ANKS1A: variants seen among roughly 807,000 people sequenced by gnomAD.
The protein encoded by ANKS1A is ankyrin repeat and sterile alpha motif domain containing 1A.
ANKS1A carries 55 observed loss-of-function variants against 120.3 expected under a neutral mutation model. The observed-to-expected ratio is 0.46, with a 90% CI of 0.37 to 0.57. The LOEUF (loss-of-function observed/expected upper bound fraction) is 0.57, where lower values mean the gene tolerates loss of function less well. Among genes scored for constraint, ANKS1A ranks in the 20% least tolerant of loss-of-function variants. The probability of loss-of-function intolerance (pLI) is 0.00; values close to 1 mark genes in which losing one functional copy is unlikely to be tolerated. For synonymous variants in ANKS1A, 590 were observed against 604.7 expected, an observed-to-expected ratio of 0.98 and a Z score of 0.36; for missense variants, 1,123 against 1,480.3, an observed-to-expected ratio of 0.76 and a Z score of 3.96.
Position 35,058,687 on chromosome 6 carries a change from T to C in ANKS1A, c.2078-1460T>C, listed in dbSNP as rs532539316. On this transcript the variant is annotated intron_variant, in intron 12 of 23. Transcript: ENST00000360359. The surrounding 1 kb of genome is among the most constrained non-coding windows in gnomAD (Gnocchi z 5.1). ...CAGGAGTTCACTGGAGGTGATGTGT[T>C]TATAGTTGGTTCTTCCTTTTCCTTC... 6.6e-6 allele frequency: 1 copy of C among 152,424 alleles called. No homozygotes were observed. Among genetic ancestry groups the C allele is most frequent in the South Asian group, 2.1e-4 (1 of 4,832 alleles). 9.4% of individuals were successfully genotyped at this position (152,424 alleles called of 1,614,324 possible). A position where few individuals can be genotyped will look rare whatever the true frequency, so the allele number is the denominator to read the frequency against.
At chr6:35,048,261 T>C (rs558889435) in intron 11 of ANKS1A, among the ~76,000 whole-genome samples, 6 of 152,174 alleles carry the variant, frequency 3.9e-5, no homozygotes, top group Admixed American at 1.3e-4. Context: ...AAGGTGACGA[T>C]GTAAAGGGGA....
chr6:35,045,694 A>G (rs894143284), intron 11 of ANKS1A, among the ~76,000 whole-genome samples: 3 of 152,152 alleles, frequency 2.0e-5, no homozygotes, highest in Non-Finnish European at 4.4e-5. Context: ...CACGGACGTT[A>G]TTTTGATTTT....
chr6:34,920,440 C>G (rs993779027), intron 1 of ANKS1A, among the ~76,000 whole-genome samples: 1 of 152,216 alleles, frequency 6.6e-6, no homozygotes, highest in Admixed American at 6.5e-5. Context: ...TGGTCTCAAA[C>G]TCCCGGCTTC....
In ANKS1A at chr6:34,970,043, G is replaced by T. The variant is rs1311766028; in HGVS notation, c.312G>T (p.Ala104=). ...TCGAGGTTCTTCTGAGGAACGATGC[G>T]CTGACCAACGTGGCTGACTCAAAAG... ...DVVEVLLRND[A]LTNVADSKGC... Residue 104 remains alanine (A), a synonymous_variant, in exon 3 of 24, where the codon GCG becomes GCT. Transcript: ENST00000360359. The T allele has an allele frequency of 6.2e-7, 1 of 1,614,092 alleles. No individual in the cohort carries two copies. Among genetic ancestry groups the T allele is most frequent in the Non-Finnish European group, 8.5e-7 (1 of 1,180,004 alleles).
chr6:34,891,950 G>A (rs1766846295), intron 1 of ANKS1A, among the ~76,000 whole-genome samples: 1 of 152,112 alleles, frequency 6.6e-6, no homozygotes, highest in Admixed American at 6.5e-5. Context: ...TTCTTAGTGC[G>A]CTCACTCGGA....
chr6:34,958,294 T>C (rs1770466063), intron 1 of ANKS1A, among the ~76,000 whole-genome samples: 1 of 152,200 alleles, frequency 6.6e-6, no homozygotes, highest in South Asian at 2.1e-4. Flanking sequence ...CAGCCGCCAG[T>C]GCACCCCAAC....
At chr6:34,964,579 G>C (rs1770804044) in intron 1 of ANKS1A, among the ~76,000 whole-genome samples, 1 of 152,172 alleles carries the variant, frequency 6.6e-6, no homozygotes, top group Admixed American at 6.5e-5. Context: ...TGTTATTACT[G>C]TTGTCGTTGA....
Position 35,078,745 on chromosome 6 carries a change from G to T in ANKS1A, c.2283+89G>T, listed in dbSNP as rs1777501812. Reference sequence around the variant, plus strand: ...CTGCACCAAGAACAGGGGAGGAGCAGGGCTCCAGCACACGCACATCATAGC... The same window carrying T: ...CTGCACCAAGAACAGGGGAGGAGCATGGCTCCAGCACACGCACATCATAGC... On this transcript the variant is annotated intron_variant, in intron 14 of 23. Coordinates refer to ENST00000360359, the MANE Select transcript of ANKS1A (RefSeq NM_015245.3). 3.7e-5 allele frequency: 48 copies of T among 1,281,752 alleles called. 1 individual carries two copies. In the South Asian group the frequency reaches 5.8e-4, roughly 15 times the overall value. The allele number at this position is 1,281,752 out of a possible 1,614,324, so 79.4% of individuals were successfully genotyped here. A position where few individuals can be genotyped will look rare whatever the true frequency, so the allele number is the denominator to read the frequency against.
chr6:34,969,502 G>A (rs1455814193), intron 2 of ANKS1A, among the ~76,000 whole-genome samples: 11 of 152,236 alleles, frequency 7.2e-5, no homozygotes, highest in Admixed American at 3.9e-4. Context: ...TGATCCACCC[G>A]CCTCAGCCTT....
intron 11 of ANKS1A, among the ~76,000 whole-genome samples, chr6:35,030,273 A>C (rs1774839181): frequency 6.6e-6 from 1 of 152,228 alleles, no homozygotes; most frequent in Non-Finnish European, 1.5e-5. Context: ...GTATGAAGGA[A>C]AGCAACTTAC....
chr6:35,006,071 C>G (rs1246905632), intron 10 of ANKS1A, among the ~76,000 whole-genome samples: 1 of 151,812 alleles, frequency 6.6e-6, no homozygotes, highest in Non-Finnish European at 1.5e-5. Flanking sequence ...GCCTGTAGTC[C>G]CAGCTACTCA....
intron 13 of ANKS1A, among the ~76,000 whole-genome samples, chr6:35,065,972 G>A (rs1315129097): frequency 2.6e-5 from 4 of 152,176 alleles, no homozygotes; most frequent in Non-Finnish European, 5.9e-5. Context: ...AAACTGGATG[G>A]GGGAAGCTCA....
At chr6:35,026,370 T>C (rs1774625134) in intron 11 of ANKS1A, among the ~76,000 whole-genome samples, 1 of 152,244 alleles carries the variant, frequency 6.6e-6, no homozygotes, top group South Asian at 2.1e-4. Context: ...GAGCACCTGC[T>C]CTGTTCCAGG....
chr6:35,071,023 G>A, intron 13 of ANKS1A: 1 of 502,176 alleles, frequency 2.0e-6, no homozygotes, highest in South Asian at 1.7e-5. Flanking sequence ...GTTTCTTGTT[G>A]TCATCAACCT....
chr6:35,059,282 C>G (rs948966786), intron 12 of ANKS1A, among the ~76,000 whole-genome samples: 1 of 152,246 alleles, frequency 6.6e-6, no homozygotes, highest in Non-Finnish European at 1.5e-5. Context: ...AGCTGTGGAT[C>G]GGGCTCCTGG....
At chr6:35,052,460 T>A (rs1238730272) in intron 11 of ANKS1A, among the ~76,000 whole-genome samples, 1 of 149,826 alleles carries the variant, frequency 6.7e-6, no homozygotes, top group Admixed American at 6.6e-5. Context: ...CCAAAAAAAA[T>A]AAAAATTAAA....
chr6:34,896,703 G>A (rs751314258), intron 1 of ANKS1A, among the ~76,000 whole-genome samples: 3 of 152,106 alleles, frequency 2.0e-5, no homozygotes, highest in South Asian at 2.1e-4. Flanking sequence ...AGTGGCTCAC[G>A]CCTGTAATCC....
chr6:35,075,908 G>A (rs546923987), intron 13 of ANKS1A, among the ~76,000 whole-genome samples: 2 of 152,016 alleles, frequency 1.3e-5, no homozygotes, highest in South Asian at 2.1e-4. Context: ...CCACAGCTGC[G>A]CACCACCATT....
In ANKS1A at chr6:35,082,152, A is replaced by T. The variant is rs1403234420; in HGVS notation, c.2710-539A>T. On this transcript the variant is annotated intron_variant, in intron 17 of 23. Transcript: ENST00000360359. This position sits in a 1 kb window ranked among gnomAD's most constrained non-coding sequence, Gnocchi z 4.1. Reference sequence around the variant, plus strand: ...CCTTCCACCAGTGCCCTGGACAGGGACCCATGATCTCTCACCTGGACCGCA... The same window carrying T: ...CCTTCCACCAGTGCCCTGGACAGGGTCCCATGATCTCTCACCTGGACCGCA... 6.6e-6 allele frequency among the ~76,000 whole-genome samples: 1 copy of T among 151,860 alleles called. No homozygotes were observed. Among genetic ancestry groups the T allele is most frequent in the Non-Finnish European group, 1.5e-5 (1 of 67,950 alleles).
Sources: gnomAD v4.1 joint callset for allele counts (sites outside exome capture counted in the v4.1 genomes callset) on GRCh38, gnomAD v4.1.1 for gene constraint, Gnocchi (gnomAD v3.1) non-coding constraint, MANE v1.5 for transcripts, NCBI Gene and HGNC (gene_info 2026-07-23, HGNC 2026-07-21) for gene names.